ZNF99: variants seen among roughly 807,000 people sequenced by gnomAD.
ZNF99 encodes the protein zinc finger protein ENSP00000375192.
ZNF99 carries 8 observed loss-of-function variants against 12.8 expected under a neutral mutation model. The observed-to-expected ratio is 0.62, with a 90% CI of 0.37 to 1.13. The LOEUF is 1.13. Among genes scored for constraint, ZNF99 ranks in the 50% most tolerant of loss-of-function variants. The pLI, the probability that ZNF99 is intolerant of heterozygous loss-of-function variation, is 0.02. For missense variants in ZNF99, 1,007 were observed against 1,006.2 expected (o/e 1.00, Z -0.01); for synonymous variants, 318 against 319.0 (o/e 1.00, Z 0.03).
chr19:22,763,619 G>GA (rs1461214954), intron 3 of ZNF99, among the ~76,000 whole-genome samples: 2 of 151,934 alleles, frequency 1.3e-5, no homozygotes, highest in Admixed American at 1.3e-4. Flanking sequence ...CACAGAATTA[G>GA]AAAAAATTAT....
intron 1 of ZNF99, among the ~76,000 whole-genome samples, chr19:22,776,418 T>G (rs1215353608): frequency 2.8e-3 from 21 of 7,378 alleles, no homozygotes; most frequent in African/African-American, 0.013. Context: ...GATATATATA[T>G]ATATATATAT....
intron 3 of ZNF99, among the ~76,000 whole-genome samples, chr19:22,764,944 A>ACCT (rs1242238880): frequency 6.6e-6 from 1 of 152,226 alleles, no homozygotes; most frequent in Non-Finnish European, 1.5e-5. Flanking sequence ...CTAAAGAACT[A>ACCT]AAAGTTGTAC....
Position 22,755,255 on chromosome 19 carries a change from G to T in ZNF99, c.*2059C>A. ...TTCTTATGTCTAATAAAGTTTAACT[G>T]ATTAAAAGCATTGCCACATTCTTCA... is the stretch of plus-strand genomic sequence containing the variant. On this transcript the variant is annotated 3_prime_UTR_variant, in exon 4 of 4. Transcript: ENST00000596209. 1 of 267,504 alleles carries T rather than the reference G, an allele frequency of 3.7e-6. No individual in the cohort carries two copies. The allele number at this position is 267,504 out of a possible 1,614,324, so 16.6% of individuals were successfully genotyped here.
intron 3 of ZNF99, among the ~76,000 whole-genome samples, chr19:22,762,706 G>A (rs1405196039): frequency 3.3e-5 from 5 of 152,028 alleles, no homozygotes; most frequent in East Asian, 1.9e-4. Flanking sequence ...ACAGACTGAC[G>A]TCCCTGATGA....
Position 22,769,100 on chromosome 19 carries a change from A to C in ZNF99, c.130+98T>G, listed in dbSNP as rs1389242303. 9.0e-6 allele frequency: 12 copies of C among 1,333,060 alleles called. No homozygotes were observed. In the African/African-American group the frequency reaches 1.5e-4, roughly 17 times the overall value. 82.6% of individuals were successfully genotyped at this position (1,333,060 alleles called of 1,614,324 possible). A position where few individuals can be genotyped will look rare whatever the true frequency, so the allele number is the denominator to read the frequency against. Reference sequence around the variant, plus strand: ...TTCAGAAAACGGGTATCTGAAACTTATTTATGCTAAGCATAAATCACCAAA... The same window carrying C: ...TTCAGAAAACGGGTATCTGAAACTTCTTTATGCTAAGCATAAATCACCAAA... On this transcript the variant is annotated intron_variant, in intron 2 of 3. Coordinates refer to ENST00000596209, the MANE Select transcript of ZNF99 (RefSeq NM_001080409.3).
At chr19:22,772,248 A>C (rs895587011) in intron 1 of ZNF99, among the ~76,000 whole-genome samples, 4 of 152,154 alleles carry the variant, frequency 2.6e-5, no homozygotes, top group Non-Finnish European at 5.9e-5. Flanking sequence ...ATTTTTATTT[A>C]TTTACAGGAA....
Position 22,759,502 on chromosome 19 carries a change from C to T in ZNF99, c.407G>A (p.Cys136Tyr). The T allele has an allele frequency of 6.2e-7, 1 of 1,607,946 alleles. No individual in the cohort carries two copies. The highest frequency in any genetic ancestry group is 8.5e-7 in the Non-Finnish European group (1 of 1,178,234). Residue 136 changes from cysteine to tyrosine, a missense_variant, in exon 4 of 4, where the codon TGT (cysteine) becomes TAT (tyrosine). Physicochemically the swap from Cys to Tyr is radical, Grantham distance 194. Transcript: ENST00000596209. The stretch of plus-strand genomic sequence containing the variant: ...TATTTTTCCCTGGGTAGTTGTCCAA[C>T]ATTGGTTAAGTTTATTATAAGCTTC... ...HEEAYNKLNQ[C>Y]WTTTQGKIFQ...
At chr19:22,767,634 G>A (rs1973219056) in intron 3 of ZNF99, among the ~76,000 whole-genome samples, 1 of 152,004 alleles carries the variant, frequency 6.6e-6, no homozygotes, top group Admixed American at 6.6e-5. Flanking sequence ...ATTGACATAG[G>A]TGAAGCAAGA....
intron 3 of ZNF99, among the ~76,000 whole-genome samples, chr19:22,767,268 C>T (rs6511380): frequency 0.1 from 15,729 of 151,918 alleles, 1,862 homozygotes; most frequent in African/African-American, 0.29. Context: ...GCCTGGTTGA[C>T]GAAGTGAGAC....
chr19:22,772,655 C>A lies in ZNF99; in HGVS notation c.4-3331G>T, dbSNP rs1411888024. Among the ~76,000 whole-genome samples, 15 of 141,652 alleles carry A rather than the reference C, an allele frequency of 1.1e-4. No homozygotes were observed. In the South Asian group the frequency reaches 1.6e-3, roughly 15 times the overall value. The allele number at this position is 141,652 out of a possible 152,430, so 92.9% of individuals were successfully genotyped here. A position where few individuals can be genotyped will look rare whatever the true frequency, so the allele number is the denominator to read the frequency against. On this transcript the variant is annotated intron_variant, in intron 1 of 3. Transcript: ENST00000596209. ...TGGTGCCATTGCACTCCAGCCTGGG[C>A]AACAAGAACGAAATTCTGTCTCAAA... is the stretch of plus-strand genomic sequence containing the variant.
At position 22,758,251 on chromosome 19, in the gene ZNF99, A is replaced by C. The variant is rs370599552; in HGVS notation, c.1658T>G (p.Met553Arg). 15 of 1,591,812 alleles carry C rather than the reference A, an allele frequency of 9.4e-6. No homozygotes were observed. The highest frequency in any genetic ancestry group is 8.4e-5 in the African/African-American group (6 of 71,746). The change falls in exon 4 of 4, where the codon ATG (methionine) becomes AGG (arginine). Residue 553 changes from methionine to arginine, a missense_variant. Met to Arg is a moderately conservative substitution (Grantham distance 91). Transcript: ENST00000596209. ...CCCAGTATGAATTATCTTATGTTTCATAAGGGTTGAGGAATTGTTAAAAGC... is the reference window on the plus strand; with the variant it reads ...CCCAGTATGAATTATCTTATGTTTCCTAAGGGTTGAGGAATTGTTAAAAGC... ...GKAFNNSSTL[M>R]KHKIIHTGKK...
In ZNF99 at chr19:22,757,362, A is replaced by G. The variant is rs1973077457; in HGVS notation, c.2547T>C (p.Asn849=). 6.2e-7 allele frequency: 1 copy of G among 1,610,528 alleles called. No homozygotes were observed. ...GAGAAATGTTTAAAAGCTTTGCCACATTCTTCACATTTGCAGGGTTTCTCT... is the reference window on the plus strand; with the variant it reads ...GAGAAATGTTTAAAAGCTTTGCCACGTTCTTCACATTTGCAGGGTTTCTCT... ...HMERNPANVK[N]VAKLLNISQP... is the part of the protein sequence containing the mutation. Residue 849 remains asparagine (N), a synonymous_variant, in exon 4 of 4, where the codon AAT becomes AAC. Coordinates refer to ENST00000596209, the MANE Select transcript of ZNF99 (RefSeq NM_001080409.3).
chr19:22,752,809 A>T lies in ZNF99; in HGVS notation c.*4505T>A, dbSNP rs1972987872. The T allele has an allele frequency of 6.6e-6, 1 of 152,154 alleles. No individual in the cohort carries two copies. The highest frequency in any genetic ancestry group is 1.5e-5 in the Non-Finnish European group (1 of 67,994). The allele number at this position is 152,154 out of a possible 1,614,324, so 9.4% of individuals were successfully genotyped here. ...AGCACAACTAATATAATACATCACT[A>T]ATTTAATTTTAATTTTAACTAAAAT... On this transcript the variant is annotated 3_prime_UTR_variant, in exon 4 of 4. Coordinates refer to ENST00000596209, the MANE Select transcript of ZNF99 (RefSeq NM_001080409.3).
intron 3 of ZNF99, among the ~76,000 whole-genome samples, chr19:22,764,954 C>T (rs1342189809): frequency 6.6e-6 from 1 of 152,160 alleles, no homozygotes; most frequent in Non-Finnish European, 1.5e-5. Flanking sequence ...AAAAGTTGTA[C>T]TACCATTTGA....
At position 22,775,740 on chromosome 19, in the gene ZNF99, C is replaced by T. The variant is rs115738659; in HGVS notation, c.4-6416G>A. The stretch of plus-strand genomic sequence containing the variant: ...ACAACCTCCTTAAAAGTAAACAAAA[C>T]GCAGCCAGGCGCGGTGGCTCATGCC... On this transcript the variant is annotated intron_variant, in intron 1 of 3. Transcript: ENST00000596209. 1.5e-3 allele frequency among the ~76,000 whole-genome samples: 235 copies of T among 152,250 alleles called. 1 individual carries two copies. The highest frequency in any genetic ancestry group is 5.4e-3 in the African/African-American group (223 of 41,560).
chr19:22,753,974 G>C lies in ZNF99; in HGVS notation c.*3340C>G, dbSNP rs1035445131. ...GACACTATGATTTCTTTTATGTTTA[G>C]AAAAGTTTAAGGTGTTCTCAAGAGC... is the stretch of plus-strand genomic sequence containing the variant. On this transcript the variant is annotated 3_prime_UTR_variant, in exon 4 of 4. Transcript: ENST00000596209. 6.6e-6 allele frequency: 3 copies of C among 453,218 alleles called. No homozygotes were observed. In the Middle Eastern group the frequency reaches 1.0e-3, roughly 151 times the overall value. The allele number at this position is 453,218 out of a possible 1,614,324, so 28.1% of individuals were successfully genotyped here.
At chr19:22,760,398 G>T (rs1973136869) in intron 3 of ZNF99, among the ~76,000 whole-genome samples, 1 of 152,128 alleles carries the variant, frequency 6.6e-6, no homozygotes, top group Non-Finnish European at 1.5e-5. Context: ...TTCCAGACTG[G>T]TTTATGTTTC....
At position 22,758,911 on chromosome 19, in the gene ZNF99, A is replaced by G. The variant is rs1973114791; in HGVS notation, c.998T>C (p.Ile333Thr). The G allele has an allele frequency of 6.2e-7, 1 of 1,613,616 alleles. No individual in the cohort carries two copies. Among genetic ancestry groups the G allele is most frequent in the Admixed American group, 1.7e-5 (1 of 59,992 alleles). Reference protein sequence around the residue: ...NHFSALRKHQIIHTGKKPYKC... With the variant: ...NHFSALRKHQTIHTGKKPYKC... ...GTAGGGTTTCTTTCCAGTATGAATTATCTGATGTTTTCTAAGGGCTGAGAA... is the reference window on the plus strand; with the variant it reads ...GTAGGGTTTCTTTCCAGTATGAATTGTCTGATGTTTTCTAAGGGCTGAGAA... Residue 333 changes from isoleucine (I) to threonine (T), a missense_variant, in exon 4 of 4, where the codon ATA (isoleucine) becomes ACA (threonine). Ile to Thr is a moderately conservative substitution (Grantham distance 89, BLOSUM62 -1). Coordinates refer to ENST00000596209, the MANE Select transcript of ZNF99 (RefSeq NM_001080409.3).
chr19:22,769,740 G>A (rs1413964174), intron 1 of ZNF99, among the ~76,000 whole-genome samples: 87 of 146,808 alleles, frequency 5.9e-4, no homozygotes, highest in Admixed American at 1.5e-3. Flanking sequence ...CAGCCTGGGC[G>A]ACAGAGCTAG....
Sources: gnomAD v4.1 joint callset for allele counts (sites outside exome capture counted in the v4.1 genomes callset) on GRCh38, gnomAD v4.1.1 for gene constraint, MANE v1.5 for transcripts, NCBI Gene and HGNC (gene_info 2026-07-23, HGNC 2026-07-21) for gene names.